ACBD5: variants seen among roughly 807,000 people sequenced by gnomAD.
The protein encoded by ACBD5 is acyl-CoA-binding domain-containing protein 5.
Under a neutral mutation model 71.8 loss-of-function variants are expected in ACBD5, and 40 were observed. The observed-to-expected ratio is 0.56, with a 90% CI of 0.43 to 0.72. The LOEUF (loss-of-function observed/expected upper bound fraction) is 0.72, where lower values mean the gene tolerates loss of function less well. ACBD5 is among the 30% of genes least tolerant of loss of function. The pLI, the probability that ACBD5 is intolerant of heterozygous loss-of-function variation, is 0.00. For synonymous variants in ACBD5, 229 were observed against 218.6 expected (o/e 1.05, Z -0.42); for missense variants, 559 against 644.5 (o/e 0.87, Z 1.44).
chr10:27,190,773 G>T (rs2136349356), downstream of ACBD5, among the ~76,000 whole-genome samples: 1 of 152,284 alleles, frequency 6.6e-6, no homozygotes, highest in Non-Finnish European at 1.5e-5. Context: ...CTGAATAAAA[G>T]GCTTCTGCAC....
chr10:27,225,129 A>C (rs1221751028), intron 4 of ACBD5, among the ~76,000 whole-genome samples: 1 of 141,126 alleles, frequency 7.1e-6, no homozygotes, highest in Non-Finnish European at 1.5e-5. Flanking sequence ...CCCAGGCTGT[A>C]GTGCAGCGGC....
chr10:27,197,392 C>T lies in ACBD5; in HGVS notation c.*38G>A, dbSNP rs2059464634. 6.2e-7 allele frequency: 1 copy of T among 1,602,972 alleles called. No individual in the cohort carries two copies. The highest frequency in any genetic ancestry group is 8.5e-7 in the Non-Finnish European group (1 of 1,170,702). ...CAATCCAGTTCATTCTGAGGTCATC[C>T]AGTTCCAGTAGTCTTCTTGAGGAAA... is the stretch of plus-strand genomic sequence containing the variant. On this transcript the variant is annotated 3_prime_UTR_variant, in exon 13 of 13. Coordinates refer to ENST00000396271, the MANE Select transcript of ACBD5 (RefSeq NM_145698.5).
chr10:27,236,207 A>G (rs2064667164), intron 2 of ACBD5, among the ~76,000 whole-genome samples: 1 of 152,162 alleles, frequency 6.6e-6, no homozygotes, highest in African/African-American at 2.4e-5. Context: ...ATGTTTTATA[A>G]TAGCTGTTTA....
chr10:27,191,557 C>T (rs1040953943), downstream of ACBD5, among the ~76,000 whole-genome samples: 1 of 152,080 alleles, frequency 6.6e-6, no homozygotes, highest in African/African-American at 2.4e-5. Flanking sequence ...CTCTACTTTC[C>T]ACTTGATATT....
intron 12 of ACBD5, among the ~76,000 whole-genome samples, chr10:27,200,010 T>C (rs574088637): frequency 2.0e-5 from 3 of 149,150 alleles, no homozygotes; most frequent in Non-Finnish European, 4.4e-5. Flanking sequence ...AAAGGAAAAC[T>C]GGTTAGAAAC....
In ACBD5 at chr10:27,235,318, C is replaced by T. The variant is rs1589384322; in HGVS notation, c.182-106G>A. 9.1e-6 allele frequency: 12 copies of T among 1,324,912 alleles called. No homozygotes were observed. In the East Asian group the frequency reaches 2.8e-4, roughly 31 times the overall value. 82.1% of individuals were successfully genotyped at this position (1,324,912 alleles called of 1,614,324 possible). A position where few individuals can be genotyped will look rare whatever the true frequency, so the allele number is the denominator to read the frequency against. ...ATAGTGATTTTATATTGCATTAATA[C>T]TTTAGATAATGATTTATTTCTAGCT... On this transcript the variant is annotated intron_variant, in intron 2 of 12. Transcript: ENST00000396271.
chr10:27,205,165 C>A (rs1045149063), intron 11 of ACBD5, 33 bp downstream of exon 11: 16 of 1,593,104 alleles, frequency 1.0e-5, no homozygotes, highest in African/African-American at 1.3e-5. Flanking sequence ...CATATGAAAC[C>A]CTGGCATTTA....
At chr10:27,238,489 AC>A (rs376516371) in intron 2 of ACBD5, among the ~76,000 whole-genome samples, 3 of 152,342 alleles carry the variant, frequency 2.0e-5, no homozygotes, top group African/African-American at 7.2e-5. Context: ...TTAGAATCAT[AC>A]CTTTCTATAA....
intron 13 of ACBD5, among the ~76,000 whole-genome samples, chr10:27,187,254 C>T (rs906079867): frequency 2.6e-5 from 4 of 151,832 alleles, no homozygotes; most frequent in East Asian, 3.9e-4. Context: ...GAGCCAAGAT[C>T]GTGCCACTGC....
intron 2 of ACBD5, among the ~76,000 whole-genome samples, chr10:27,236,865 G>C (rs2064775781): frequency 7.7e-6 from 1 of 130,252 alleles, no homozygotes; most frequent in Admixed American, 9.2e-5. Context: ...AGCCTGGGCA[G>C]CTGAGCAAGA....
chr10:27,223,425 T>C lies in ACBD5; in HGVS notation c.403A>G (p.Lys135Glu). 6.2e-7 allele frequency: 1 copy of C among 1,613,560 alleles called. No individual in the cohort carries two copies. The highest frequency in any genetic ancestry group is 8.5e-7 in the Non-Finnish European group (1 of 1,179,908). Residue 135 changes from lysine to glutamate, a missense_variant, in exon 5 of 13, where the codon AAA becomes GAA. Transcript: ENST00000396271. ...KIIETMPMTE[K>E]VEELLRVIGP... The stretch of plus-strand genomic sequence containing the variant: ...ATGACACGCAGCAATTCTTCAACTT[T>C]CTCAGTCATTGGCATAGTTTCAATA...
At position 27,197,349 on chromosome 10, in the gene ACBD5, A is replaced by T. The variant is rs1564542381; in HGVS notation, c.*81T>A. ...AGCAATGTAATCATCACAAACTAAGATTTTCTTGTGAACACCACAATCCAG... is the reference window on the plus strand; with the variant it reads ...AGCAATGTAATCATCACAAACTAAGTTTTTCTTGTGAACACCACAATCCAG... On this transcript the variant is annotated 3_prime_UTR_variant, in exon 13 of 13. Transcript: ENST00000396271. The T allele has an allele frequency of 4.4e-6, 6 of 1,378,718 alleles. No individual in the cohort carries two copies. The Admixed American group carries it at 1.0e-4, about 24-fold the overall frequency. 85.4% of individuals were successfully genotyped at this position (1,378,718 alleles called of 1,614,324 possible). A position where few individuals can be genotyped will look rare whatever the true frequency, so the allele number is the denominator to read the frequency against.
At chr10:27,186,750 A>G (rs1267233537) in intron 13 of ACBD5, 1 of 566,702 alleles carries the variant, frequency 1.8e-6, no homozygotes, top group Non-Finnish European at 3.1e-6. Context: ...ATAAATCTTC[A>G]AAGCTTTTTT....
chr10:27,225,096 G>A (rs1329530752), intron 4 of ACBD5, among the ~76,000 whole-genome samples: 3 of 132,234 alleles, frequency 2.3e-5, no homozygotes, highest in African/African-American at 9.0e-5. Flanking sequence ...TTTTTTTGGA[G>A]ACAGCGTCTC....
In ACBD5 at chr10:27,228,055, A is replaced by G. The variant is rs192044237; in HGVS notation, c.375+3693T>C. 2.1e-3 allele frequency among the ~76,000 whole-genome samples: 320 copies of G among 151,904 alleles called. 1 individual carries two copies. The highest frequency in any genetic ancestry group is 7.4e-3 in the African/African-American group (306 of 41,428). ...GAGACCATCCTCTAATCCTCCCTCT[A>G]TTACAGTGATTATCCCAATCTCTTA... is the stretch of plus-strand genomic sequence containing the variant. On this transcript the variant is annotated intron_variant, in intron 4 of 12. Transcript: ENST00000396271.
chr10:27,202,732 A>G (rs2060048062), intron 12 of ACBD5, among the ~76,000 whole-genome samples: 1 of 152,082 alleles, frequency 6.6e-6, no homozygotes, highest in South Asian at 2.1e-4. Context: ...AAACATGAAA[A>G]GGAACTTTGA....
chr10:27,187,756 A>G (rs2058855858), intron 13 of ACBD5, among the ~76,000 whole-genome samples: 1 of 152,006 alleles, frequency 6.6e-6, no homozygotes, highest in Non-Finnish European at 1.5e-5. Flanking sequence ...AGTCTCAAAA[A>G]AAAAAAAAAT....
At chr10:27,233,332 CAGG>C (rs1430563760) in intron 3 of ACBD5, among the ~76,000 whole-genome samples, 3 of 151,260 alleles carry the variant, frequency 2.0e-5, no homozygotes, top group Non-Finnish European at 2.9e-5. Context: ...GAGGCTGAGG[CAGG>C]AGAATTGCTT....
At chr10:27,228,816 T>TATATATATATA (rs71386926) in intron 4 of ACBD5, among the ~76,000 whole-genome samples, 29 of 18,700 alleles carry the variant, frequency 1.6e-3, no homozygotes, top group Non-Finnish European at 2.1e-3. Flanking sequence ...TATATATATA[T>TATATATATATA]TTTTTTTTTT....
Sources: gnomAD v4.1 joint callset for allele counts (sites outside exome capture counted in the v4.1 genomes callset) on GRCh38, gnomAD v4.1.1 for gene constraint, MANE v1.5 for transcripts, NCBI Gene and HGNC (gene_info 2026-07-23, HGNC 2026-07-21) for gene names.